Variants in ATP13A2 observed in about 807,000 individuals in gnomAD.
The protein encoded by ATP13A2 is polyamine-transporting ATPase 13A2.
In ATP13A2, 83 loss-of-function variants were observed where a neutral mutation model predicts 138.3. The ratio of observed to expected loss-of-function variants is 0.60; its 90% CI spans 0.50 to 0.72. The LOEUF is 0.72. Ranked by LOEUF, ATP13A2 falls within the 30% of genes least tolerant of loss-of-function variation. ATP13A2 has a pLI of 0.00. For missense variants in ATP13A2, 1,402 were observed against 1,606.4 expected (o/e 0.87, Z 2.17); for synonymous variants, 663 against 699.0 (o/e 0.95, Z 0.81).
At chr1:16,989,153 T>C (rs560256412) in intron 23 of ATP13A2, among the ~76,000 whole-genome samples, 6 of 152,112 alleles carry the variant, frequency 3.9e-5, no homozygotes, top group South Asian at 4.1e-4. Flanking sequence ...TGACCTCAGG[T>C]GATCTGCCTG....
chr1:16,996,261 C>A lies in ATP13A2; in HGVS notation c.1346G>T (p.Arg449Leu). The change falls in exon 14 of 29, where the codon CGA (arginine) becomes CTA (leucine). Residue 449 changes from arginine to leucine, a missense_variant. By Grantham distance (102) the Arg-to-Leu change is moderately radical. Coordinates refer to ENST00000326735, the MANE Select transcript of ATP13A2 (RefSeq NM_022089.4). ...GTIYSIFILY[R>L]NRVPLNEIVI... ...CCCACCCCCAAGGCTTACCCGGTTT[C>A]GGTAGAGGATGAAGATGCTGTAGAT... The A allele has an allele frequency of 6.2e-7, 1 of 1,614,038 alleles. No homozygotes were observed. Among genetic ancestry groups the A allele is most frequent in the Non-Finnish European group, 8.5e-7 (1 of 1,179,974 alleles).
chr1:16,986,090 C>A lies in ATP13A2; in HGVS notation c.*131G>T, dbSNP rs755686764. On this transcript the variant is annotated 3_prime_UTR_variant, in exon 29 of 29. Coordinates refer to ENST00000326735, the MANE Select transcript of ATP13A2 (RefSeq NM_022089.4). The surrounding 1 kb of genome is among the most constrained non-coding windows in gnomAD (Gnocchi z 6.9). ...CGCTTCCCCAGGGTGGGGGTGGTCT[C>A]GGGGGAGGAGTGTAGACAGTCGCCA... The A allele has an allele frequency of 5.2e-6, 8 of 1,545,246 alleles. No individual in the cohort carries two copies. In the African/African-American group the frequency reaches 9.6e-5, roughly 19 times the overall value.
At chr1:17,002,752 G>C (rs1350953614) in intron 6 of ATP13A2, among the ~76,000 whole-genome samples, 1 of 152,154 alleles carries the variant, frequency 6.6e-6, no homozygotes, top group African/African-American at 2.4e-5. Context: ...CTACCACATA[G>C]GGCCATGGGT....
chr1:17,002,513 C>T, intron 6 of ATP13A2, 140 bp from the exon 7 acceptor site: 1 of 989,074 alleles, frequency 1.0e-6, no homozygotes, highest in Non-Finnish European at 1.5e-6. Flanking sequence ...CAAGTAAGCC[C>T]CCTTGAACCC....
chr1:16,995,384 A>G lies in ATP13A2; in HGVS notation c.1542+592T>C, dbSNP rs1442187002. The G allele has an allele frequency of 9.7e-6, 2 of 205,764 alleles. No individual in the cohort carries two copies. The highest frequency in any genetic ancestry group is 4.7e-5 in the African/African-American group (2 of 42,376). 12.7% of individuals were successfully genotyped at this position (205,764 alleles called of 1,614,324 possible). On this transcript the variant is annotated intron_variant, in intron 15 of 28. Transcript: ENST00000326735. The surrounding 1 kb of genome is among the most constrained non-coding windows in gnomAD (Gnocchi z 4.1). ...GGGGGACACACACACTCCAGTGACC[A>G]CAAGGATGCCTGTGTTGGTCACTGC... is the stretch of plus-strand genomic sequence containing the variant.
chr1:17,002,635 T>TTTTG (rs1487273319), intron 6 of ATP13A2, among the ~76,000 whole-genome samples: 1 of 152,162 alleles, frequency 6.6e-6, no homozygotes, highest in Non-Finnish European at 1.5e-5. Context: ...AGAGTAGCTG[T>TTTTG]TATTTAGTGA....
In ATP13A2 at chr1:16,993,556, G is replaced by A. The variant is rs576077920; in HGVS notation, c.1749+73C>T. The A allele has an allele frequency of 3.6e-6, 5 of 1,390,936 alleles. No individual in the cohort carries two copies. The South Asian group carries it at 6.4e-5, about 18-fold the overall frequency. 86.2% of individuals were successfully genotyped at this position (1,390,936 alleles called of 1,614,324 possible). ...ATAAGAGACCACCCTGAAAGATGGAGAGGGAAGACAGGGTGGGATTCGTTA... is the reference window on the plus strand; with the variant it reads ...ATAAGAGACCACCCTGAAAGATGGAAAGGGAAGACAGGGTGGGATTCGTTA... On this transcript the variant is annotated intron_variant, in intron 16 of 28. Coordinates refer to ENST00000326735, the MANE Select transcript of ATP13A2 (RefSeq NM_022089.4).
Position 16,996,504 on chromosome 1 carries a change from G to T in ATP13A2, c.1196-8C>A, listed in dbSNP as rs780145460. On this transcript the variant is annotated splice_polypyrimidine_tract_variant and splice_region_variant and intron_variant, in intron 12 of 28. Transcript: ENST00000326735. The stretch of plus-strand genomic sequence containing the variant: ...CTTTTGCCGTGCAGAACCCTGGGGA[G>T]GAGGCGGGGACCCCAAGGCAGGGAA... The T allele has an allele frequency of 6.2e-7, 1 of 1,612,778 alleles. No homozygotes were observed. The highest frequency in any genetic ancestry group is 2.2e-5 in the East Asian group (1 of 44,874).
intron 1 of ATP13A2, among the ~76,000 whole-genome samples, chr1:17,009,573 TA>T (rs1557725270): frequency 6.6e-6 from 1 of 151,826 alleles, no homozygotes; most frequent in African/African-American, 2.4e-5. Context: ...AATTTTTTTT[TA>T]GTAGGGACAG....
intron 11 of ATP13A2, among the ~76,000 whole-genome samples, chr1:16,998,246 C>T (rs538869123): frequency 2.6e-5 from 4 of 152,230 alleles, no homozygotes; most frequent in African/African-American, 9.6e-5. Flanking sequence ...ACTCTGTCAC[C>T]CAGGCTGGAG....
intron 6 of ATP13A2, among the ~76,000 whole-genome samples, chr1:17,003,719 A>AGTG (rs1396547627): frequency 6.8e-6 from 1 of 146,306 alleles, no homozygotes; most frequent in Non-Finnish European, 1.5e-5. Context: ...GCTAGAGTGC[A>AGTG]GTGGCGCGAT....
In ATP13A2 at chr1:16,986,748, ACCCCAGGG is replaced by A; in HGVS notation, c.3235+49_3235+56del. The A allele has an allele frequency of 1.3e-6, 2 of 1,564,152 alleles. No homozygotes were observed. Among genetic ancestry groups the A allele is most frequent in the Non-Finnish European group, 1.7e-6 (2 of 1,159,528 alleles). ...CCTCTCTCCCATCTGCCTCCCCAGC[ACCCCAGGG>A]CTCCTCCCTCCCTCCGCCAGCATCT... On this transcript the variant is annotated intron_variant, in intron 27 of 28. Transcript: ENST00000326735. This position sits in a 1 kb window ranked among gnomAD's most constrained non-coding sequence, Gnocchi z 6.9.
chr1:16,986,624 G>C lies in ATP13A2; in HGVS notation c.3244C>G (p.Leu1082Val). 1 of 1,608,630 alleles carries C rather than the reference G, an allele frequency of 6.2e-7. No individual in the cohort carries two copies. Among genetic ancestry groups the C allele is most frequent in the Non-Finnish European group, 8.5e-7 (1 of 1,179,096 alleles). The change falls in exon 28 of 29, where the codon CTG becomes GTG. Residue 1082 changes from leucine to valine, a missense_variant. Coordinates refer to ENST00000326735, the MANE Select transcript of ATP13A2 (RefSeq NM_022089.4). The surrounding 1 kb of genome is among the most constrained non-coding windows in gnomAD (Gnocchi z 6.9). Reference sequence around the variant, plus strand: ...GAGCTCAGGAGCGCCAGGGCCACCAGGAAGGGCACTGGGAGCAGGAGAGTC... The same window carrying C: ...GAGCTCAGGAGCGCCAGGGCCACCACGAAGGGCACTGGGAGCAGGAGAGTC... ...RRPLYTNVPFLVALALLSSVL... is the reference protein window; with the variant it reads ...RRPLYTNVPFVVALALLSSVL...
rs1553167828 is a variant in ATP13A2 at position 16,994,184 on chromosome 1, G to GCGCTCTCTCTCTCTCT, written c.1543-350_1543-349insAGAGAGAGAGAGAGCG. ...TAAGGACCCGGCCCACGGTTGGCTCGCTCTCTCTCTCTCATTTATTTATTT... is the reference window on the plus strand; with the variant it reads ...TAAGGACCCGGCCCACGGTTGGCTCGCGCTCTCTCTCTCTCTCTCTCTCTCTCTCATTTATTTATTT... On this transcript the variant is annotated intron_variant, in intron 15 of 28. Transcript: ENST00000326735. 2.7e-3 allele frequency among the ~76,000 whole-genome samples: 396 copies of GCGCTCTCTCTCTCTCT among 148,490 alleles called. 3 individuals carry two copies. The highest frequency in any genetic ancestry group is 9.3e-3 in the African/African-American group (376 of 40,634).
rs755068593 is a variant in ATP13A2, at chr1:16,987,114, C to A, written c.3015G>T (p.Leu1005=). ...CGGTCACCAGGACCATCTGCAGCAG[C>A]AGGCTGCTGAGCACGGGCACGCTGA... ...ALLSVPVLSS[L]LLQMVLVTGV... is the part of the protein sequence containing the mutation. Residue 1005 remains leucine (L), a synonymous_variant, in exon 26 of 29, where the codon CTG becomes CTT. Transcript: ENST00000326735. 6.2e-7 allele frequency: 1 copy of A among 1,613,354 alleles called. No homozygotes were observed. The highest frequency in any genetic ancestry group is 8.5e-7 in the Non-Finnish European group (1 of 1,179,950).
chr1:17,008,620 C>A (rs753360631), intron 1 of ATP13A2, among the ~76,000 whole-genome samples: 1 of 152,120 alleles, frequency 6.6e-6, no homozygotes, highest in Non-Finnish European at 1.5e-5. Context: ...TCCCACGGCT[C>A]CCTAGGCCCA....
chr1:16,993,521 G>C, intron 16 of ATP13A2, 108 bp downstream of exon 16: 1 of 1,095,246 alleles, frequency 9.1e-7, no homozygotes, highest in South Asian at 1.5e-5. Flanking sequence ...TATTATTAAT[G>C]GTGGGCATAA....
At chr1:17,008,870 G>T (rs1268733468) in intron 1 of ATP13A2, among the ~76,000 whole-genome samples, 2 of 151,778 alleles carry the variant, frequency 1.3e-5, no homozygotes, top group Non-Finnish European at 2.9e-5. Context: ...AGGCTGAGGC[G>T]GGAGAATGGT....
chr1:17,006,529 G>A (rs192081528), intron 1 of ATP13A2, among the ~76,000 whole-genome samples: 5 of 152,132 alleles, frequency 3.3e-5, no homozygotes, highest in Non-Finnish European at 7.3e-5. Context: ...GGGATTACAG[G>A]CATGAGCCAC....
Sources: gnomAD v4.1 joint callset for allele counts (sites outside exome capture counted in the v4.1 genomes callset) on GRCh38, gnomAD v4.1.1 for gene constraint, Gnocchi (gnomAD v3.1) non-coding constraint, MANE v1.5 for transcripts, NCBI Gene and HGNC (gene_info 2026-07-23, HGNC 2026-07-21) for gene names.